DYNC2I1: variants seen among roughly 807,000 people sequenced by gnomAD.
DYNC2I1 encodes cytoplasmic dynein 2 intermediate chain 1.
Under a neutral mutation model 133.4 loss-of-function variants are expected in DYNC2I1, and 89 were observed. The observed-to-expected ratio is 0.67, with a 90% CI of 0.56 to 0.80. The LOEUF (loss-of-function observed/expected upper bound fraction) is 0.80. Ranked by LOEUF, DYNC2I1 falls within the 30% of genes least tolerant of loss-of-function variation. The pLI is 0.00. For synonymous variants in DYNC2I1, 504 were observed against 484.3 expected (o/e 1.04, Z -0.54); for missense variants, 1,291 against 1,314.5 (o/e 0.98, Z 0.28).
intron 10 of DYNC2I1, chr7:158,903,572 A>G (rs1209091608): frequency 6.6e-6 from 1 of 152,204 alleles, no homozygotes; most frequent in Non-Finnish European, 1.5e-5. Flanking sequence ...GGCAGTGCTG[A>G]TAGAGCGTTC....
In DYNC2I1 at chr7:158,904,870, C is replaced by A. The variant is rs541093534; in HGVS notation, c.1358-1119C>A. The stretch of plus-strand genomic sequence containing the variant: ...ACCCTCTGCATTGCTGGCCGTAAAG[C>A]TTTGTTGTGAAGATCAGATGAGATA... On this transcript the variant is annotated intron_variant, in intron 10 of 24. Coordinates refer to ENST00000407559, the MANE Select transcript of DYNC2I1 (RefSeq NM_018051.5). 13 of 240,286 alleles carry A rather than the reference C, an allele frequency of 5.4e-5. No homozygotes were observed. The South Asian group carries it at 6.3e-4, about 12-fold the overall frequency. 14.9% of individuals were successfully genotyped at this position (240,286 alleles called of 1,614,324 possible).
intron 8 of DYNC2I1, among the ~76,000 whole-genome samples, chr7:158,894,865 GT>G (rs34751739): frequency 0.18 from 27,535 of 152,168 alleles, 3,358 homozygotes; most frequent in East Asian, 0.62. Context: ...TGTTGTTGGT[GT>G]TCTGGATATA....
intron 14 of DYNC2I1, among the ~76,000 whole-genome samples, chr7:158,915,488 T>C: frequency 1.3e-5 from 2 of 151,218 alleles, no homozygotes. Context: ...TTAAGGATGA[T>C]TGTGAAACCT....
downstream of DYNC2I1, among the ~76,000 whole-genome samples, chr7:158,957,741 C>A (rs577364566): frequency 3.5e-4 from 54 of 152,298 alleles, no homozygotes; most frequent in African/African-American, 1.3e-3. Context: ...AGCAAATGCA[C>A]TCGGCACTCG....
intron 3 of DYNC2I1, among the ~76,000 whole-genome samples, chr7:158,874,322 C>T (rs981270538): frequency 2.6e-5 from 4 of 152,076 alleles, no homozygotes; most frequent in Non-Finnish European, 4.4e-5. Context: ...ATCCTCATGC[C>T]TCAGCCCCCT....
intron 8 of DYNC2I1, among the ~76,000 whole-genome samples, chr7:158,896,989 T>TC (rs1845817757): frequency 6.7e-6 from 1 of 150,208 alleles, no homozygotes; most frequent in African/African-American, 2.4e-5. Flanking sequence ...TAATTTCTTT[T>TC]TTTTTTTTTT....
Position 158,943,722 on chromosome 7 carries a change from G to A in DYNC2I1, c.3002+1574G>A, listed in dbSNP as rs147236310. Among the ~76,000 whole-genome samples the A allele has an allele frequency of 1.4e-4, 21 of 152,196 alleles. No individual in the cohort carries two copies. In the East Asian group the frequency reaches 3.5e-3, roughly 25 times the overall value. On this transcript the variant is annotated intron_variant, in intron 24 of 24. Transcript: ENST00000407559. ...ATGTTTGTTGTCATTAGCAGGTTAC[G>A]CACCCTTCGGTTCTGGAGCCTTGTC...
chr7:158,847,648 C>T, the DYNC2I1 span, among the ~76,000 whole-genome samples: 1 of 152,084 alleles, frequency 6.6e-6, no homozygotes, highest in Non-Finnish European at 1.5e-5. Context: ...AATATTCATC[C>T]CTTGGTTATT....
At chr7:158,915,324 CATTA>C (rs1847972693) in intron 14 of DYNC2I1, among the ~76,000 whole-genome samples, 1 of 57,066 alleles carries the variant, frequency 1.8e-5, no homozygotes, top group Non-Finnish European at 3.5e-5. Flanking sequence ...CGCTGGTTGA[CATTA>C]AGGATGATTG....
chr7:158,891,138 G>A (rs551745276), intron 7 of DYNC2I1, 127 bp from the exon 8 acceptor site: 20 of 978,006 alleles, frequency 2.0e-5, no homozygotes, highest in South Asian at 4.0e-5. Flanking sequence ...CGTTAGTTTC[G>A]TAGTCTGTGC....
rs766663693 is a variant in DYNC2I1 at position 158,902,559 on chromosome 7, C to T, written c.1321C>T (p.Arg441Ter). The T allele has an allele frequency of 4.3e-6, 7 of 1,613,922 alleles. No individual in the cohort carries two copies. Among genetic ancestry groups the T allele is most frequent in the East Asian group, 2.2e-5 (1 of 44,870 alleles). ...GELSLKLFQK[R>*]GRTEFEKEPR... ...GTTATCTTTGAAACTGTTTCAGAAG[C>T]GAGGTAGAACAGAATTTGAAAAGGA... Residue 441 changes from arginine (R) to a stop codon, truncating the protein, a stop_gained, in exon 10 of 25, where the codon CGA becomes TGA. Transcript: ENST00000407559. LOFTEE classifies it high-confidence loss of function.
At chr7:158,904,862 C>T in intron 10 of DYNC2I1, 1 of 231,972 alleles carries the variant, frequency 4.3e-6, no homozygotes, top group Non-Finnish European at 8.6e-6. Context: ...GCATTGCTGG[C>T]CGTAAAGCTT....
chr7:158,877,690 T>C (rs933372683), intron 4 of DYNC2I1, among the ~76,000 whole-genome samples: 1 of 152,106 alleles, frequency 6.6e-6, no homozygotes, highest in Non-Finnish European at 1.5e-5. Flanking sequence ...CTTTTGCTTA[T>C]TTTTTTTCTC....
chr7:158,881,862 A>G (rs1844063820), intron 5 of DYNC2I1, among the ~76,000 whole-genome samples: 1 of 152,148 alleles, frequency 6.6e-6, no homozygotes, highest in South Asian at 2.1e-4. Context: ...TAATTTTCCA[A>G]AGAACACTCT....
intron 9 of DYNC2I1, 143 bp downstream of exon 9, chr7:158,901,959 T>TA: frequency 1.6e-6 from 1 of 638,544 alleles, no homozygotes; most frequent in Non-Finnish European, 2.6e-6. Context: ...TAGGTCAAGC[T>TA]GTTACCTGTA....
At chr7:158,958,368 C>T (rs11970857), downstream of DYNC2I1, among the ~76,000 whole-genome samples, 1 of 152,236 alleles carries the variant, frequency 6.6e-6, no homozygotes, top group Non-Finnish European at 1.5e-5. Flanking sequence ...CTGAAGCGTG[C>T]GCGTTCTCTC....
intron 6 of DYNC2I1, 34 bp from the exon 7 acceptor site, chr7:158,886,982 TTAAAG>T: frequency 5.7e-6 from 9 of 1,588,348 alleles, no homozygotes; most frequent in South Asian, 2.2e-5. Flanking sequence ...AAGCTCTCAT[TTAAAG>T]TAAGTTTTGA....
intron 4 of DYNC2I1, among the ~76,000 whole-genome samples, chr7:158,952,914 A>G (rs2129490397): frequency 6.6e-6 from 1 of 152,336 alleles, no homozygotes; most frequent in African/African-American, 2.4e-5. Context: ...CGTGAGCCTC[A>G]GCGCCTGCTG....
chr7:158,900,845 A>G (rs1429562406), intron 8 of DYNC2I1, among the ~76,000 whole-genome samples: 1 of 144,870 alleles, frequency 6.9e-6, no homozygotes, highest in Non-Finnish European at 1.5e-5. Context: ...TGTCCAGTTT[A>G]CTAATGAGCC....
Sources: gnomAD v4.1 joint callset for allele counts (sites outside exome capture counted in the v4.1 genomes callset) on GRCh38, gnomAD v4.1.1 for gene constraint, MANE v1.5 for transcripts, NCBI Gene and HGNC (gene_info 2026-07-23, HGNC 2026-07-21) for gene names.